SLC26A1: variants seen among roughly 807,000 people sequenced by gnomAD.
SLC26A1 encodes sulfate anion transporter 1.
Under a neutral mutation model 14.5 loss-of-function variants are expected in SLC26A1, and 18 were observed. That is an observed-to-expected ratio of 1.24 (90% CI 0.86 to 1.84). SLC26A1 has a LOEUF of 1.84. Among genes scored for constraint, SLC26A1 ranks in the 40% most tolerant of loss-of-function variants. The pLI is 0.00. For missense variants in SLC26A1, 1,049 were observed against 1,020.0 expected (o/e 1.03, Z -0.39); for synonymous variants, 505 against 492.0 (o/e 1.03, Z -0.35).
At chr4:992,159 TCA>T (rs1384884350) in intron 1 of SLC26A1, 11 of 467,338 alleles carry the variant, frequency 2.4e-5, no homozygotes, top group Admixed American at 1.9e-4. Context: ...CGTCAGAATG[TCA>T]CAGTCACTGG....
intron 2 of SLC26A1, 113 bp from the exon 3 acceptor site, chr4:990,475 T>C (rs1577517444): frequency 9.4e-7 from 1 of 1,065,284 alleles, no homozygotes; most frequent in Non-Finnish European, 1.3e-6. Context: ...CTGACAATTC[T>C]GTGTTGCGGC....
chr4:990,491 G>T, intron 2 of SLC26A1, 129 bp from the exon 3 acceptor site: 1 of 944,012 alleles, frequency 1.1e-6, no homozygotes, highest in Non-Finnish European at 1.5e-6. Context: ...GCGGCCCCGT[G>T]TGTTCCAAAC....
chr4:983,032 C>T (rs879299609), downstream of SLC26A1, among the ~76,000 whole-genome samples: 8 of 152,246 alleles, frequency 5.3e-5, no homozygotes, highest in South Asian at 2.1e-4. Context: ...CTGGACAGGA[C>T]GGAGGGCGTC....
chr4:979,626 G>C (rs1374994402), intron 2 of SLC26A1: 1 of 1,287,668 alleles, frequency 7.8e-7, no homozygotes, highest in Non-Finnish European at 1.1e-6. Context: ...AGCCCAGCAA[G>C]AGAGGAAGCG....
In SLC26A1 at chr4:988,285, A is replaced by C. The variant is rs1264020019; in HGVS notation, c.*548T>G. 1.4e-5 allele frequency: 16 copies of C among 1,164,368 alleles called. No individual in the cohort carries two copies. The highest frequency in any genetic ancestry group is 3.2e-5 in the African/African-American group (2 of 62,780). The allele number at this position is 1,164,368 out of a possible 1,614,324, so 72.1% of individuals were successfully genotyped here. On this transcript the variant is annotated 3_prime_UTR_variant, in exon 3 of 3. Coordinates refer to ENST00000398516, the MANE Select transcript of SLC26A1 (RefSeq NM_022042.4). ...CACCTGAGGGCTGAGCTGAGGTCTC[A>C]TCGGTCACAGCACCCTGGGCCCTGA...
chr4:979,109 A>T, exon 3 of SLC26A1: 2 of 245,226 alleles, frequency 8.2e-6, no homozygotes, highest in Non-Finnish European at 1.6e-5. Flanking sequence ...AAAGAGGAAG[A>T]CGAAAGGTAA....
In SLC26A1 at chr4:989,833, T is replaced by C; in HGVS notation, c.1106A>G (p.Tyr369Cys). The C allele has an allele frequency of 1.9e-6, 3 of 1,580,118 alleles. No individual in the cohort carries two copies. The highest frequency in any genetic ancestry group is 8.6e-7 in the Non-Finnish European group (1 of 1,164,020). ...LAEMFARSHG[Y>C]SVRANQELLA... ...CAGCTCCTGGTTGGCACGCACAGAGTAGCCGTGACTGCGGGCGAACATCTC... is the reference window on the plus strand; with the variant it reads ...CAGCTCCTGGTTGGCACGCACAGAGCAGCCGTGACTGCGGGCGAACATCTC... The change falls in exon 3 of 3, where the codon TAC (tyrosine) becomes TGC (cysteine). Residue 369 changes from tyrosine (Y) to cysteine (C), a missense_variant. Coordinates refer to ENST00000398516, the MANE Select transcript of SLC26A1 (RefSeq NM_022042.4).
At position 987,877 on chromosome 4, in the gene SLC26A1, A is replaced by G. The variant is rs780165694; in HGVS notation, c.*956T>C. On this transcript the variant is annotated 3_prime_UTR_variant, in exon 3 of 3. Transcript: ENST00000398516. ...TGGGACCAGCAGCTCAACCTCGCCTATGTGGGCGCCGTCCCTCACCGCGGC... is the reference window on the plus strand; with the variant it reads ...TGGGACCAGCAGCTCAACCTCGCCTGTGTGGGCGCCGTCCCTCACCGCGGC... 1.6e-5 allele frequency: 26 copies of G among 1,611,888 alleles called. No homozygotes were observed. The highest frequency in any genetic ancestry group is 1.8e-5 in the Non-Finnish European group (21 of 1,179,648).
Position 988,815 on chromosome 4 carries a change from TG to T in SLC26A1, c.*17del. 6.5e-7 allele frequency: 1 copy of T among 1,548,930 alleles called. No homozygotes were observed. The highest frequency in any genetic ancestry group is 8.7e-7 in the Non-Finnish European group (1 of 1,147,534). ...GTCCCCAGGAGGGAGCAGAGGCTGC[TG>T]GGCAGGCCTGGCCCTGCTACAGATG... On this transcript the variant is annotated 3_prime_UTR_variant, in exon 3 of 3. Coordinates refer to ENST00000398516, the MANE Select transcript of SLC26A1 (RefSeq NM_022042.4).
chr4:986,750 C>CT (rs1713745319), downstream of SLC26A1: 9 of 487,356 alleles, frequency 1.8e-5, no homozygotes, highest in South Asian at 1.4e-4. Flanking sequence ...AAGCAAGACT[C>CT]TGTCTCAAAA....
downstream of SLC26A1, among the ~76,000 whole-genome samples, chr4:985,270 T>C (rs1449332766): frequency 6.6e-6 from 1 of 152,258 alleles, no homozygotes; most frequent in African/African-American, 2.4e-5. Context: ...GTGGCTGGGA[T>C]ACGCTGCAGG....
chr4:990,797 A>C (rs1054234494), intron 2 of SLC26A1: 1 of 395,804 alleles, frequency 2.5e-6, no homozygotes, highest in Non-Finnish European at 4.5e-6. Flanking sequence ...GCCATCCCCC[A>C]CTCCACCTAG....
chr4:980,112 T>C (rs1192107301), intron 2 of SLC26A1, among the ~76,000 whole-genome samples: 1 of 152,022 alleles, frequency 6.6e-6, no homozygotes, highest in Non-Finnish European at 1.5e-5. Context: ...CAGGACGGGA[T>C]TGGAGTTGGA....
chr4:989,080 A>G lies in SLC26A1; in HGVS notation c.1859T>C (p.Leu620Pro). Residue 620 changes from leucine (L) to proline (P), a missense_variant, in exon 3 of 3, where the codon CTG (leucine) becomes CCG (proline). Physicochemically the swap from Leu to Pro is moderately conservative, Grantham distance 98. Transcript: ENST00000398516. ...GCTCACACCGGCTGCGTCTAGGAAC[A>G]GCAGCGGGGCGCAGTCGATGACCAC... ...HTVVIDCAPL[L>P]FLDAAGVSTL... 4 of 1,595,612 alleles carry G rather than the reference A, an allele frequency of 2.5e-6. No homozygotes were observed. The highest frequency in any genetic ancestry group is 3.4e-6 in the Non-Finnish European group (4 of 1,171,552).
rs373963523 is a variant in SLC26A1 at position 991,120 on chromosome 4, C to T, written c.576+8G>A. ...GGCCCCTCCCTGTGCCCAAGCAGGG[C>T]TCCTCACCTGGTAAAGCCCGGTCAT... On this transcript the variant is annotated splice_region_variant and intron_variant, in intron 2 of 2. Coordinates refer to ENST00000398516, the MANE Select transcript of SLC26A1 (RefSeq NM_022042.4). 3.3e-6 allele frequency: 5 copies of T among 1,531,680 alleles called. No homozygotes were observed. In the African/African-American group the frequency reaches 6.9e-5, roughly 21 times the overall value. The allele number at this position is 1,531,680 out of a possible 1,614,324, so 94.9% of individuals were successfully genotyped here.
chr4:988,746 C>G lies in SLC26A1; in HGVS notation c.*87G>C, dbSNP rs1713950309. 28 of 1,435,672 alleles carry G rather than the reference C, an allele frequency of 2.0e-5. No homozygotes were observed. Among genetic ancestry groups the G allele is most frequent in the African/African-American group, 2.9e-5 (2 of 69,478 alleles). 88.9% of individuals were successfully genotyped at this position (1,435,672 alleles called of 1,614,324 possible). A position where few individuals can be genotyped will look rare whatever the true frequency, so the allele number is the denominator to read the frequency against. ...AGAGTGCAGCTCTTGGGTGGCTCCT[C>G]CCTGGGAAGGGTCTCAGCAGTGGCT... On this transcript the variant is annotated 3_prime_UTR_variant, in exon 3 of 3. Transcript: ENST00000398516.
chr4:987,020 C>T (rs919162704), downstream of SLC26A1: 2 of 1,467,946 alleles, frequency 1.4e-6, no homozygotes, highest in Non-Finnish European at 1.8e-6. Flanking sequence ...CGCGCCCAGA[C>T]TCCGACCCGG....
exon 3 of SLC26A1, chr4:979,141 C>A: frequency 3.1e-6 from 1 of 325,238 alleles, no homozygotes; most frequent in Non-Finnish European, 5.6e-6. Context: ...ACTAGCATGG[C>A]TGGTTTTTAA....
chr4:988,932 G>C lies in SLC26A1; in HGVS notation c.2007C>G (p.Asp669Glu), dbSNP rs147669408. ...GGAACAGCTGCTCCTCCTCAGCCGT[G>C]TCCCCGGGGCCCTCCCCGAGGAAGC... is the stretch of plus-strand genomic sequence containing the variant. ...RGGFLGEGPG[D>E]TAEEEQLFLS... is the part of the protein sequence containing the mutation. Residue 669 changes from aspartate to glutamate, a missense_variant, in exon 3 of 3, where the codon GAC (aspartate) becomes GAG (glutamate). Asp to Glu is a conservative substitution (Grantham distance 45). Transcript: ENST00000398516. 1.2e-3 allele frequency: 1,946 copies of C among 1,600,602 alleles called. 6 individuals carry two copies. Among genetic ancestry groups the C allele is most frequent in the Non-Finnish European group, 1.5e-3 (1,731 of 1,174,470 alleles).
Sources: gnomAD v4.1 joint callset for allele counts (sites outside exome capture counted in the v4.1 genomes callset) on GRCh38, gnomAD v4.1.1 for gene constraint, MANE v1.5 for transcripts, NCBI Gene and HGNC (gene_info 2026-07-23, HGNC 2026-07-21) for gene names.